Variants in CNKSR2 observed in about 807,000 individuals in gnomAD.
The protein encoded by CNKSR2 is connector enhancer of kinase suppressor of Ras 2, also known as CNK homolog protein 2.
In CNKSR2, 14 loss-of-function variants were observed where a neutral mutation model predicts 84.4. The observed-to-expected ratio is 0.17, with a 90% CI of 0.11 to 0.26. The LOEUF is 0.26. Ranked by LOEUF, CNKSR2 falls within the 10% of genes least tolerant of loss-of-function variation. The pLI is 1.00. For missense variants in CNKSR2, 485 were observed against 771.2 expected (o/e 0.63, Z 4.40); for synonymous variants, 275 against 277.9 (o/e 0.99, Z 0.10).
intron 1 of CNKSR2, chrX:21,421,706 G>T (rs987084210): frequency 9.1e-5 from 10 of 110,277 alleles, no homozygotes; most frequent in Non-Finnish European, 1.5e-4. Context: ...TTTTTGGAGA[G>T]TAGTTTTATT....
At chrX:21,501,238 A>G (rs1445668138) in intron 7 of CNKSR2, among the ~76,000 whole-genome samples, 5 of 110,770 alleles carry the variant, frequency 4.5e-5, no homozygotes, top group Non-Finnish European at 9.5e-5. Context: ...TTTATAATAA[A>G]TATCTATATA....
intron 1 of CNKSR2, 40 bp downstream of exon 1, chrX:21,375,001 G>C: frequency 9.1e-7 from 1 of 1,096,685 alleles, no homozygotes; most frequent in Non-Finnish European, 1.3e-6. Flanking sequence ...GCACTGGGGC[G>C]CGGGGCACCA....
chrX:21,496,539 A>G (rs975313264), intron 6 of CNKSR2, among the ~76,000 whole-genome samples: 2 of 111,820 alleles, frequency 1.8e-5, no homozygotes, highest in Admixed American at 9.5e-5. Context: ...TTTTAGACAT[A>G]TGGTATTACT....
chrX:21,530,642 A>T (rs2091877471), intron 10 of CNKSR2, among the ~76,000 whole-genome samples: 1 of 111,282 alleles, frequency 9.0e-6, no homozygotes, highest in Admixed American at 9.6e-5. Context: ...GGCACTGTTT[A>T]GGGTAACCAG....
intron 13 of CNKSR2, among the ~76,000 whole-genome samples, chrX:21,581,292 C>T (rs1458056312): frequency 3.6e-5 from 4 of 111,796 alleles, no homozygotes; most frequent in African/African-American, 6.5e-5. Flanking sequence ...TCCCTGATTT[C>T]GCAGTTGAGG....
At chrX:21,525,001 A>G (rs1316876016) in intron 9 of CNKSR2, among the ~76,000 whole-genome samples, 3 of 110,672 alleles carry the variant, frequency 2.7e-5, no homozygotes, top group Non-Finnish European at 3.8e-5. Flanking sequence ...TCTTTGCTAC[A>G]TTTCTATTAT....
intron 1 of CNKSR2, among the ~76,000 whole-genome samples, chrX:21,381,058 T>C (rs950374922): frequency 1.8e-5 from 2 of 112,300 alleles, no homozygotes; most frequent in South Asian, 3.7e-4. Flanking sequence ...TTTTCATGTA[T>C]AGCATAGGCC....
intron 9 of CNKSR2, among the ~76,000 whole-genome samples, chrX:21,521,154 TG>T (rs2091779397): frequency 9.1e-6 from 1 of 109,989 alleles, no homozygotes; most frequent in Non-Finnish European, 1.9e-5. Flanking sequence ...TCGTTGTGAC[TG>T]AAAAAAAAAC....
chrX:21,550,558 C>T (rs955943881), intron 11 of CNKSR2, among the ~76,000 whole-genome samples: 5 of 112,095 alleles, frequency 4.5e-5, no homozygotes, highest in Non-Finnish European at 9.4e-5. Context: ...CCAGCAATCC[C>T]ATTACTGGGT....
chrX:21,560,378 A>G (rs1456469651), intron 11 of CNKSR2, among the ~76,000 whole-genome samples: 2 of 110,874 alleles, frequency 1.8e-5, no homozygotes, highest in Non-Finnish European at 3.8e-5. Flanking sequence ...CTTACCAGGT[A>G]TATGTCCTTG....
intron 7 of CNKSR2, among the ~76,000 whole-genome samples, chrX:21,499,206 T>C (rs1164493023): frequency 8.9e-6 from 1 of 112,237 alleles, no homozygotes; most frequent in Non-Finnish European, 1.9e-5. Flanking sequence ...TTCTGATTTA[T>C]TTATTCATTC....
intron 6 of CNKSR2, chrX:21,493,119 TCTC>T (rs2091459343): frequency 8.9e-6 from 1 of 112,166 alleles, no homozygotes; most frequent in Non-Finnish European, 1.9e-5. Context: ...ATTAGTCAAA[TCTC>T]CTAGAATTTC....
intron 20 of CNKSR2, among the ~76,000 whole-genome samples, chrX:21,612,208 G>C (rs1225119144): frequency 8.9e-6 from 1 of 112,210 alleles, no homozygotes; most frequent in Non-Finnish European, 1.9e-5. Context: ...ACCATTAGGA[G>C]TAAGTACTCA....
At chrX:21,512,799 G>A (rs1468927153) in intron 8 of CNKSR2, among the ~76,000 whole-genome samples, 1 of 111,452 alleles carries the variant, frequency 9.0e-6, no homozygotes, top group Non-Finnish European at 1.9e-5. Context: ...AAAGTAAAGA[G>A]ATAATGAGTT....
At chrX:21,458,365 G>T (rs1168505729) in intron 4 of CNKSR2, among the ~76,000 whole-genome samples, 1 of 112,219 alleles carries the variant, frequency 8.9e-6, no homozygotes, top group Non-Finnish European at 1.9e-5. Flanking sequence ...TGCTACTCTA[G>T]ACCATTGCTA....
At chrX:21,426,033 T>A (rs1459211785) in intron 1 of CNKSR2, 2 of 113,186 alleles carry the variant, frequency 1.8e-5, no homozygotes, top group African/African-American at 6.5e-5. Context: ...AGAATTTAAT[T>A]TTTTAGTTAT....
chrX:21,528,816 A>G (rs1296575515), intron 10 of CNKSR2, among the ~76,000 whole-genome samples: 2 of 111,057 alleles, frequency 1.8e-5, no homozygotes, highest in African/African-American at 6.5e-5. Context: ...TTACTTACCC[A>G]GTCATAAAGT....
intron 9 of CNKSR2, among the ~76,000 whole-genome samples, chrX:21,522,881 A>G (rs2091798713): frequency 9.0e-6 from 1 of 111,200 alleles, no homozygotes; most frequent in South Asian, 3.7e-4. Flanking sequence ...TTGTGACACA[A>G]TTTTAAAGTA....
At chrX:21,600,209 C>T (rs2092473895) in intron 17 of CNKSR2, among the ~76,000 whole-genome samples, 1 of 112,167 alleles carries the variant, frequency 8.9e-6, no homozygotes, top group African/African-American at 3.2e-5. Context: ...ATCTGATGCA[C>T]AGTTAACACC....
Sources: allele counts gnomAD v4.1 joint callset (sites outside exome capture counted in the v4.1 genomes callset), GRCh38; gene constraint gnomAD v4.1.1; transcripts MANE v1.5; gene names NCBI Gene and HGNC (gene_info 2026-07-23, HGNC 2026-07-21).